ASPRV1: variants seen among roughly 807,000 people sequenced by gnomAD.
The protein encoded by ASPRV1 is aspartic peptidase retroviral like 1.
ASPRV1 carries 7 observed loss-of-function variants against 11.0 expected under a neutral mutation model. The ratio of observed to expected loss-of-function variants is 0.64; its 90% CI spans 0.36 to 1.20. ASPRV1 has a LOEUF of 1.20. Ranked by LOEUF, ASPRV1 falls within the 50% of genes most tolerant of loss-of-function variation. ASPRV1 has a pLI of 0.02. For missense variants in ASPRV1, 299 were observed against 320.0 expected (o/e 0.93, Z 0.50); for synonymous variants, 136 against 138.4 (o/e 0.98, Z 0.12).
chr2:70,044,209 A>C, the ASPRV1 span, among the ~76,000 whole-genome samples: 2 of 152,204 alleles, frequency 1.3e-5, no homozygotes, highest in Admixed American at 6.5e-5. Context: ...TCAAAGATTT[A>C]AATCAAGAAA....
the ASPRV1 span, among the ~76,000 whole-genome samples, chr2:70,017,050 G>A: frequency 6.6e-6 from 1 of 152,054 alleles, no homozygotes; most frequent in Non-Finnish European, 1.5e-5. Flanking sequence ...CAGTGCAGTG[G>A]CGTGATCTCA....
At chr2:69,938,707 G>A in the ASPRV1 span, 1 of 156,286 alleles carries the variant, frequency 6.4e-6, no homozygotes, top group East Asian at 1.9e-4. Flanking sequence ...ACAAACTTTT[G>A]AAATTGAGAT....
At chr2:70,009,122 A>T in the ASPRV1 span, among the ~76,000 whole-genome samples, 2 of 152,344 alleles carry the variant, frequency 1.3e-5, no homozygotes, top group South Asian at 4.1e-4. Flanking sequence ...TGCCACTCAC[A>T]TGTGTAAATG....
the ASPRV1 span, chr2:70,000,536 T>A: frequency 2.0e-4 from 31 of 151,258 alleles, no homozygotes; most frequent in African/African-American, 6.8e-4. Flanking sequence ...ACGCCTGTAA[T>A]CCCAACACTT....
the ASPRV1 span, among the ~76,000 whole-genome samples, chr2:70,039,688 A>G: frequency 6.6e-6 from 1 of 152,114 alleles, no homozygotes; most frequent in Non-Finnish European, 1.5e-5. Context: ...TCTGGCCCCT[A>G]CTGCACCTAA....
chr2:70,013,740 G>A, the ASPRV1 span, among the ~76,000 whole-genome samples: 1 of 152,150 alleles, frequency 6.6e-6, no homozygotes, highest in African/African-American at 2.4e-5. Context: ...AATTAGCCGG[G>A]TGTGGTGGTG....
the ASPRV1 span, among the ~76,000 whole-genome samples, chr2:69,944,403 C>T: frequency 1.3e-5 from 2 of 152,220 alleles, no homozygotes; most frequent in Non-Finnish European, 2.9e-5. Flanking sequence ...CTGGGTGCGC[C>T]ACTGCAGGGC....
At chr2:69,942,131 G>C in the ASPRV1 span, 1 of 152,150 alleles carries the variant, frequency 6.6e-6, no homozygotes, top group East Asian at 1.9e-4. Context: ...GCAATTTCTT[G>C]CATGTCAATC....
At chr2:70,066,281 C>T in the ASPRV1 span, among the ~76,000 whole-genome samples, 12 of 152,070 alleles carry the variant, frequency 7.9e-5, no homozygotes, top group South Asian at 2.5e-3. Flanking sequence ...TCTTGTTGCC[C>T]AGGCTGGAGT....
the ASPRV1 span, chr2:70,045,973 A>T: frequency 6.6e-6 from 1 of 152,162 alleles, no homozygotes; most frequent in Non-Finnish European, 1.5e-5. Context: ...AGCTCTCCTA[A>T]AGGACAGGAG....
chr2:70,010,655 TCAC>T, the ASPRV1 span, among the ~76,000 whole-genome samples: 10 of 152,174 alleles, frequency 6.6e-5, no homozygotes, highest in African/African-American at 2.4e-4. Context: ...GTAACGTTTT[TCAC>T]CACAACACTC....
chr2:70,039,482 AG>A, the ASPRV1 span, among the ~76,000 whole-genome samples: 4 of 152,234 alleles, frequency 2.6e-5, no homozygotes, highest in African/African-American at 9.6e-5. Flanking sequence ...TTTAAGGAGA[AG>A]GATGACTCCA....
the ASPRV1 span, among the ~76,000 whole-genome samples, chr2:69,974,413 G>A: frequency 3.3e-5 from 5 of 151,806 alleles, no homozygotes; most frequent in Non-Finnish European, 7.4e-5. Flanking sequence ...TCATTTAATT[G>A]TAAGTTTATA....
At chr2:70,006,406 G>A in the ASPRV1 span, among the ~76,000 whole-genome samples, 4 of 152,174 alleles carry the variant, frequency 2.6e-5, no homozygotes, top group African/African-American at 9.7e-5. Flanking sequence ...TGTTTCCTTA[G>A]GTGGGTGTAA....
the ASPRV1 span, chr2:70,069,463 A>G: frequency 6.6e-6 from 1 of 152,204 alleles, no homozygotes; most frequent in East Asian, 1.9e-4. Context: ...GATATTTACA[A>G]TAGGGCATGA....
the ASPRV1 span, among the ~76,000 whole-genome samples, chr2:69,994,609 A>G: frequency 6.6e-6 from 1 of 152,166 alleles, no homozygotes; most frequent in Non-Finnish European, 1.5e-5. Flanking sequence ...TGCAGCCAGG[A>G]TCTCACTCTA....
the ASPRV1 span, among the ~76,000 whole-genome samples, chr2:69,944,533 AG>A: frequency 2.0e-5 from 3 of 152,334 alleles, no homozygotes; most frequent in East Asian, 3.9e-4. Context: ...AGAGCTAGTG[AG>A]GGGTGGGACT....
the ASPRV1 span, among the ~76,000 whole-genome samples, chr2:70,004,204 T>C: frequency 1.3e-5 from 2 of 151,970 alleles, no homozygotes; most frequent in Non-Finnish European, 2.9e-5. Flanking sequence ...AGAAGAGGAA[T>C]AGGGACCAAC....
At chr2:69,984,939 C>T in the ASPRV1 span, among the ~76,000 whole-genome samples, 1 of 151,560 alleles carries the variant, frequency 6.6e-6, no homozygotes, top group Non-Finnish European at 1.5e-5. Flanking sequence ...TCACTGCAAG[C>T]TCTGTCTCCC....
Sources: gnomAD v4.1 joint callset for allele counts (sites outside exome capture counted in the v4.1 genomes callset) on GRCh38, gnomAD v4.1.1 for gene constraint, MANE v1.5 for transcripts, NCBI Gene and HGNC (gene_info 2026-07-23, HGNC 2026-07-21) for gene names.